AGPS: variants seen among roughly 807,000 people sequenced by gnomAD.
The protein encoded by AGPS is alkylglycerone phosphate synthase.
AGPS carries 26 observed loss-of-function variants against 90.7 expected under a neutral mutation model. The ratio of observed to expected loss-of-function variants is 0.29; its 90% CI spans 0.21 to 0.40. AGPS has a LOEUF of 0.40. Among genes scored for constraint, AGPS ranks in the 10% least tolerant of loss-of-function variants. AGPS has a pLI of 1.00. For synonymous variants in AGPS, 294 were observed against 285.3 expected, an observed-to-expected ratio of 1.03 and a Z score of -0.31; for missense variants, 540 against 816.1, an observed-to-expected ratio of 0.66 and a Z score of 4.12.
At position 177,437,016 on chromosome 2, in the gene AGPS, G is replaced by C; in HGVS notation, c.599G>C (p.Gly200Ala). 6.2e-7 allele frequency: 1 copy of C among 1,613,548 alleles called. No individual in the cohort carries two copies. The highest frequency in any genetic ancestry group is 1.3e-5 in the African/African-American group (1 of 74,994). ...CLHEIFLLRE[G>A]MFERIPDIVL... Reference sequence around the variant, plus strand: ...CATGAGATATTTTTGCTCAGGGAAGGAATGTTTGAGCGAATTCCTGATATA... The same window carrying C: ...CATGAGATATTTTTGCTCAGGGAAGCAATGTTTGAGCGAATTCCTGATATA... The change falls in exon 5 of 20, where the codon GGA (glycine) becomes GCA (alanine). Residue 200 changes from glycine (G) to alanine (A), a missense_variant. Gly to Ala is a moderately conservative substitution (Grantham distance 60, BLOSUM62 0). Transcript: ENST00000264167.
chr2:177,444,037 C>G (rs755332642), intron 7 of AGPS, among the ~76,000 whole-genome samples: 5 of 152,124 alleles, frequency 3.3e-5, no homozygotes, highest in Admixed American at 6.6e-5. Flanking sequence ...TCAATAAATT[C>G]TTTGTCTTTT....
intron 16 of AGPS, among the ~76,000 whole-genome samples, chr2:177,510,698 C>T (rs530020809): frequency 4.6e-5 from 7 of 152,072 alleles, no homozygotes; most frequent in African/African-American, 9.6e-5. Context: ...TTTCTTCAGC[C>T]GAAGTTTTAA....
chr2:177,414,943 T>C (rs939641044), intron 1 of AGPS, among the ~76,000 whole-genome samples: 38 of 123,886 alleles, frequency 3.1e-4, no homozygotes, highest in Non-Finnish European at 4.6e-4. Flanking sequence ...AATATACATA[T>C]ATGATGAATG....
chr2:177,505,617 C>G (rs747650767), intron 15 of AGPS, 42 bp downstream of exon 15: 5 of 1,534,694 alleles, frequency 3.3e-6, no homozygotes, highest in Non-Finnish European at 4.5e-6. Flanking sequence ...ATTTATGTTG[C>G]AAACAATACT....
chr2:177,428,880 G>C (rs1195767960), intron 2 of AGPS, among the ~76,000 whole-genome samples: 1 of 152,074 alleles, frequency 6.6e-6, no homozygotes, highest in Non-Finnish European at 1.5e-5. Flanking sequence ...GGTTGGGGAA[G>C]TTCTCCTGGA....
chr2:177,478,407 A>G (rs558518450), intron 10 of AGPS, among the ~76,000 whole-genome samples: 1 of 152,210 alleles, frequency 6.6e-6, no homozygotes, highest in Admixed American at 6.5e-5. Flanking sequence ...AAATTTAGGA[A>G]GTTTTCAGCC....
At chr2:177,394,414 A>T (rs1333844825) in intron 1 of AGPS, among the ~76,000 whole-genome samples, 2 of 152,236 alleles carry the variant, frequency 1.3e-5, no homozygotes. Flanking sequence ...TTCTTGGCAT[A>T]CAAACAGTAT....
intron 8 of AGPS, among the ~76,000 whole-genome samples, chr2:177,457,771 T>C (rs1687163665): frequency 6.6e-6 from 1 of 152,198 alleles, no homozygotes. Context: ...GGAGCTGGTG[T>C]ACCATTCCTT....
chr2:177,449,420 GTTTGT>G (rs1686870520), intron 8 of AGPS, among the ~76,000 whole-genome samples: 1 of 151,932 alleles, frequency 6.6e-6, no homozygotes, highest in African/African-American at 2.4e-5. Flanking sequence ...CTTATTGTAG[GTTTGT>G]TTTGTTTTGT....
chr2:177,512,311 T>C (rs1688898510), intron 16 of AGPS, among the ~76,000 whole-genome samples: 1 of 152,124 alleles, frequency 6.6e-6, no homozygotes, highest in African/African-American at 2.4e-5. Flanking sequence ...TAGATAACAT[T>C]GATAAGTCAT....
At chr2:177,491,297 C>T (rs992965392) in intron 11 of AGPS, among the ~76,000 whole-genome samples, 1 of 150,364 alleles carries the variant, frequency 6.7e-6, no homozygotes, top group Admixed American at 6.6e-5. Flanking sequence ...GACAGAGTCT[C>T]GCTCTGTCGC....
chr2:177,465,954 G>A (rs1687433590), intron 9 of AGPS, among the ~76,000 whole-genome samples: 1 of 152,240 alleles, frequency 6.6e-6, no homozygotes, highest in East Asian at 1.9e-4. Flanking sequence ...CCACATCCAG[G>A]AAGAATGAGG....
At chr2:177,442,196 C>T (rs574879112) in intron 6 of AGPS, among the ~76,000 whole-genome samples, 3 of 152,206 alleles carry the variant, frequency 2.0e-5, no homozygotes, top group South Asian at 2.1e-4. Flanking sequence ...CTTTCAGTTC[C>T]GTAATATTGC....
intron 1 of AGPS, among the ~76,000 whole-genome samples, chr2:177,404,224 A>G (rs1280778048): frequency 6.6e-6 from 1 of 152,190 alleles, no homozygotes; most frequent in Non-Finnish European, 1.5e-5. Context: ...GGGAAACCAA[A>G]ACATGACCAC....
At chr2:177,452,727 T>C (rs1363778137) in intron 8 of AGPS, among the ~76,000 whole-genome samples, 1 of 152,176 alleles carries the variant, frequency 6.6e-6, no homozygotes, top group Non-Finnish European at 1.5e-5. Flanking sequence ...TTTTCTGTAT[T>C]TCCCATCTGT....
chr2:177,488,963 G>A (rs946082324), intron 11 of AGPS, among the ~76,000 whole-genome samples: 1 of 152,086 alleles, frequency 6.6e-6, no homozygotes, highest in African/African-American at 2.4e-5. Context: ...CTGGTAACTA[G>A]TCTTTTAAGA....
intron 16 of AGPS, among the ~76,000 whole-genome samples, chr2:177,509,631 A>T (rs1300561501): frequency 6.8e-6 from 1 of 147,196 alleles, no homozygotes; most frequent in African/African-American, 2.5e-5. Context: ...ATGTCACTGC[A>T]CTCCAGCCTG....
rs1425593035 is a variant in AGPS at position 177,538,913 on chromosome 2, T to C, written c.*718T>C. 1.1e-4 allele frequency: 17 copies of C among 152,060 alleles called. No individual in the cohort carries two copies. The highest frequency in any genetic ancestry group is 1.1e-3 in the Admixed American group (17 of 15,236). 9.4% of individuals were successfully genotyped at this position (152,060 alleles called of 1,614,324 possible). ...GTTATATTCTAATTCATTGATAATA[T>C]GTTTTGTAAGAAAAGCTGACATCCT... On this transcript the variant is annotated 3_prime_UTR_variant, in exon 20 of 20. Transcript: ENST00000264167.
In AGPS at chr2:177,521,185, G is replaced by A; in HGVS notation, c.1698-84G>A. The A allele has an allele frequency of 4.5e-6, 5 of 1,119,030 alleles. No individual in the cohort carries two copies. In the South Asian group the frequency reaches 6.2e-5, roughly 14 times the overall value. 69.3% of individuals were successfully genotyped at this position (1,119,030 alleles called of 1,614,324 possible). A position where few individuals can be genotyped will look rare whatever the true frequency, so the allele number is the denominator to read the frequency against. On this transcript the variant is annotated intron_variant, in intron 17 of 19. Coordinates refer to ENST00000264167, the MANE Select transcript of AGPS (RefSeq NM_003659.4). ...GATTATATCTTAAACTAATCATTTG[G>A]GTCGTCTTGACTTTCAGTTTCTAGA...
Sources: gnomAD v4.1 joint callset for allele counts (sites outside exome capture counted in the v4.1 genomes callset) on GRCh38, gnomAD v4.1.1 for gene constraint, MANE v1.5 for transcripts, NCBI Gene and HGNC (gene_info 2026-07-23, HGNC 2026-07-21) for gene names.